Variants in ARHGAP24 observed in about 807,000 individuals in gnomAD.
ARHGAP24 encodes Rho GTPase activating protein 24, also known as rho GTPase-activating protein 24.
ARHGAP24 carries 50 observed loss-of-function variants against 76.4 expected under a neutral mutation model. The ratio of observed to expected loss-of-function variants is 0.65; its 90% CI spans 0.52 to 0.83. The LOEUF is 0.83. ARHGAP24 is among the 40% of genes least tolerant of loss of function. ARHGAP24 has a pLI of 0.00. For synonymous variants in ARHGAP24, 345 were observed against 323.3 expected (o/e 1.07, Z -0.72); for missense variants, 930 against 914.2 (o/e 1.02, Z -0.22).
At chr4:85,714,781 C>T (rs1724673359) in intron 2 of ARHGAP24, among the ~76,000 whole-genome samples, 1 of 152,152 alleles carries the variant, frequency 6.6e-6, no homozygotes, top group Non-Finnish European at 1.5e-5. Context: ...TCTTTTCTCC[C>T]CCTGGTAGTA....
intron 2 of ARHGAP24, among the ~76,000 whole-genome samples, chr4:85,620,473 T>C (rs749651969): frequency 2.6e-5 from 4 of 151,934 alleles, no homozygotes; most frequent in African/African-American, 4.8e-5. Flanking sequence ...TGATCGTTTG[T>C]AGTTTTGTGG....
chr4:85,799,061 A>G (rs1019269247), intron 3 of ARHGAP24, among the ~76,000 whole-genome samples: 1 of 152,202 alleles, frequency 6.6e-6, no homozygotes, highest in Non-Finnish European at 1.5e-5. Context: ...ATTTTTTAAA[A>G]TATATGCTGA....
chr4:85,650,335 T>C (rs561469336), intron 2 of ARHGAP24, among the ~76,000 whole-genome samples: 1 of 149,934 alleles, frequency 6.7e-6, no homozygotes, highest in South Asian at 2.1e-4. Flanking sequence ...TGAATTATTA[T>C]CAACTATTTC....
chr4:85,553,337 T>A (rs1342691953), intron 1 of ARHGAP24, among the ~76,000 whole-genome samples: 1 of 152,160 alleles, frequency 6.6e-6, no homozygotes, highest in Non-Finnish European at 1.5e-5. Flanking sequence ...TTTTATTCCC[T>A]TATTTGGCCC....
At chr4:85,706,334 G>A (rs746351265) in intron 2 of ARHGAP24, among the ~76,000 whole-genome samples, 10 of 152,034 alleles carry the variant, frequency 6.6e-5, no homozygotes, top group Non-Finnish European at 2.9e-5. Flanking sequence ...AATGATTAAT[G>A]TACTGTGGAA....
At chr4:85,528,387 G>A (rs955043461) in intron 1 of ARHGAP24, among the ~76,000 whole-genome samples, 1 of 152,032 alleles carries the variant, frequency 6.6e-6, no homozygotes, top group African/African-American at 2.4e-5. Context: ...AGCCACTGGA[G>A]TTTTTTAAGG....
At chr4:85,831,544 T>C (rs978688656) in intron 3 of ARHGAP24, among the ~76,000 whole-genome samples, 1 of 152,214 alleles carries the variant, frequency 6.6e-6, no homozygotes, top group African/African-American at 2.4e-5. Context: ...ACAATGGGCT[T>C]TCATTTGACT....
At chr4:85,633,508 A>G (rs1181442230) in intron 2 of ARHGAP24, among the ~76,000 whole-genome samples, 2 of 151,902 alleles carry the variant, frequency 1.3e-5, no homozygotes, top group African/African-American at 4.8e-5. Context: ...TTTAATGCAG[A>G]TCACTCCTTG....
intron 3 of ARHGAP24, among the ~76,000 whole-genome samples, chr4:85,828,424 G>C (rs1272165914): frequency 3.9e-5 from 6 of 151,934 alleles, no homozygotes; most frequent in African/African-American, 1.2e-4. Flanking sequence ...CTTAGGATTT[G>C]ATCTGTTGAC....
At chr4:85,791,675 A>C (rs1181683886) in intron 3 of ARHGAP24, among the ~76,000 whole-genome samples, 1 of 152,172 alleles carries the variant, frequency 6.6e-6, no homozygotes, top group Non-Finnish European at 1.5e-5. Flanking sequence ...GGAAGCACAT[A>C]TTGAGGTGCT....
In ARHGAP24 at chr4:85,982,530, G is replaced by A. The variant is rs536820594; in HGVS notation, c.928+4839G>A. On this transcript the variant is annotated intron_variant, in intron 8 of 9. Transcript: ENST00000395184. ...AACCCAGGATCAATCAGGCCCCAGG[G>A]GAAACCAGCTCACAGCAACCAAACT... Among the ~76,000 whole-genome samples, 11 of 152,106 alleles carry A rather than the reference G, an allele frequency of 7.2e-5. No homozygotes were observed. In the South Asian group the frequency reaches 2.3e-3, roughly 32 times the overall value.
chr4:85,889,175 A>G (rs551168228), intron 3 of ARHGAP24, among the ~76,000 whole-genome samples: 25 of 152,342 alleles, frequency 1.6e-4, no homozygotes, highest in African/African-American at 5.1e-4. Context: ...TTTACCTAAG[A>G]AAATGCCAGA....
At chr4:85,756,855 A>G (rs963987693) in intron 3 of ARHGAP24, among the ~76,000 whole-genome samples, 31 of 152,214 alleles carry the variant, frequency 2.0e-4, no homozygotes, top group Admixed American at 6.5e-5. Flanking sequence ...GGGAGTTTGA[A>G]TTAAGACTAG....
intron 3 of ARHGAP24, among the ~76,000 whole-genome samples, chr4:85,836,308 G>A (rs151174539): frequency 6.6e-6 from 1 of 152,150 alleles, no homozygotes; most frequent in Admixed American, 6.5e-5. Flanking sequence ...TTTCACAAAT[G>A]GGTGGTTTAA....
intron 5 of ARHGAP24, among the ~76,000 whole-genome samples, chr4:85,971,740 C>A (rs1048718265): frequency 6.6e-6 from 1 of 151,972 alleles, no homozygotes; most frequent in Non-Finnish European, 1.5e-5. Context: ...ATTTTGTATT[C>A]GTTAACTATC....
At chr4:85,628,188 C>T (rs990715515) in intron 2 of ARHGAP24, among the ~76,000 whole-genome samples, 6 of 152,126 alleles carry the variant, frequency 3.9e-5, no homozygotes, top group South Asian at 2.1e-4. Flanking sequence ...AGCTATAGAC[C>T]GGAGCTGTTC....
chr4:85,732,612 A>G (rs537071548), intron 3 of ARHGAP24, among the ~76,000 whole-genome samples: 80 of 152,076 alleles, frequency 5.3e-4, no homozygotes, highest in Non-Finnish European at 8.5e-4. Context: ...TTATTTGCCT[A>G]TTCATTTGTG....
At chr4:85,973,327 C>A (rs1243905038) in intron 6 of ARHGAP24, among the ~76,000 whole-genome samples, 2 of 152,004 alleles carry the variant, frequency 1.3e-5, no homozygotes, top group Admixed American at 6.6e-5. Flanking sequence ...TAGTATATTG[C>A]CTTTGAAGAA....
At chr4:85,992,114 T>C (rs2148868590) in intron 8 of ARHGAP24, 1 of 397,594 alleles carries the variant, frequency 2.5e-6, no homozygotes, top group African/African-American at 2.1e-5. Flanking sequence ...GGCTGGTGAT[T>C]ATAACCAGTC....
Sources: gnomAD v4.1 joint callset for allele counts (sites outside exome capture counted in the v4.1 genomes callset) on GRCh38, gnomAD v4.1.1 for gene constraint, MANE v1.5 for transcripts, NCBI Gene and HGNC (gene_info 2026-07-23, HGNC 2026-07-21) for gene names.